The following SASH1 variants were observed in gnomAD, a reference collection of about 807,000 sequenced individuals.
The protein encoded by SASH1 is SAM and SH3 domain containing 1, also known as SAM and SH3 domain-containing protein 1.
A neutral mutation model predicts 125.2 loss-of-function variants in SASH1; 44 were observed. That is an observed-to-expected ratio of 0.35 (90% CI 0.28 to 0.45). SASH1 has a LOEUF of 0.45. Ranked by LOEUF, SASH1 falls within the 20% of genes least tolerant of loss-of-function variation. The pLI is 1.00. For synonymous variants in SASH1, 639 were observed against 649.1 expected (o/e 0.98, Z 0.24); for missense variants, 1,426 against 1,614.5 (o/e 0.88, Z 2.00).
intron 2 of SASH1, among the ~76,000 whole-genome samples, chr6:148,399,763 C>T (rs913376349): frequency 1.3e-5 from 2 of 152,084 alleles, no homozygotes; most frequent in African/African-American, 4.8e-5. Context: ...ACTTTGATGG[C>T]GGAACCTAGC....
chr6:148,354,311 G>GT (rs1260656957), intron 1 of SASH1, among the ~76,000 whole-genome samples: 3 of 152,118 alleles, frequency 2.0e-5, no homozygotes, highest in South Asian at 2.1e-4. Context: ...GCCATTTTTA[G>GT]TTTTTTTATG....
At position 148,548,710 on chromosome 6, in the gene SASH1, CTG is replaced by C. The variant is rs1390114935; in HGVS notation, c.*153_*154del. On this transcript the variant is annotated 3_prime_UTR_variant, in exon 20 of 20. Transcript: ENST00000367467. The stretch of plus-strand genomic sequence containing the variant: ...AACAGCGTGAAACCTTGGCACAGGA[CTG>C]AGGATCCTCTCCTCCAGAAAAGCCC... 1.2e-6 allele frequency: 1 copy of C among 815,666 alleles called. No homozygotes were observed. Among genetic ancestry groups the C allele is most frequent in the African/African-American group, 1.7e-5 (1 of 58,216 alleles). The allele number at this position is 815,666 out of a possible 1,614,324, so 50.5% of individuals were successfully genotyped here. A position where few individuals can be genotyped will look rare whatever the true frequency, so the allele number is the denominator to read the frequency against.
chr6:148,479,433 T>G (rs1420210572), intron 7 of SASH1: 1 of 205,630 alleles, frequency 4.9e-6, no homozygotes, highest in African/African-American at 2.3e-5. Flanking sequence ...GGAAGGGAGT[T>G]GAATGTGACA....
intron 4 of SASH1, among the ~76,000 whole-genome samples, chr6:148,447,321 T>C (rs1004050202): frequency 9.9e-5 from 15 of 152,222 alleles, no homozygotes; most frequent in Non-Finnish European, 1.3e-4. Flanking sequence ...AGCAGTGTTC[T>C]GTGGTGAAAT....
In SASH1 at chr6:148,413,696, A is replaced by T. The variant is rs143138069; in HGVS notation, c.285+23434A>T. Among the ~76,000 whole-genome samples, 589 of 152,190 alleles carry T rather than the reference A, an allele frequency of 3.9e-3. 4 individuals carry two copies. The highest frequency in any genetic ancestry group is 3.8e-3 in the Non-Finnish European group (258 of 68,012). On this transcript the variant is annotated intron_variant, in intron 2 of 19. Coordinates refer to ENST00000367467, the MANE Select transcript of SASH1 (RefSeq NM_015278.5). Reference sequence around the variant, plus strand: ...CGTTGATGTAGAACATTTAGTCAAGAAGTTTGCACTTTTGGCTCTGAAGGA... The same window carrying T: ...CGTTGATGTAGAACATTTAGTCAAGTAGTTTGCACTTTTGGCTCTGAAGGA...
chr6:148,337,938 G>A (rs1473834352), upstream of SASH1, among the ~76,000 whole-genome samples: 4 of 150,444 alleles, frequency 2.7e-5, no homozygotes, highest in Non-Finnish European at 5.9e-5. Context: ...AATCTTCTAC[G>A]TCACTTTCCT....
chr6:148,207,211 C>G, the SASH1 span, among the ~76,000 whole-genome samples: 4 of 152,220 alleles, frequency 2.6e-5, no homozygotes, highest in Non-Finnish European at 4.4e-5. Context: ...ATGGAAATGT[C>G]CAGTCTCTGC....
intron 2 of SASH1, among the ~76,000 whole-genome samples, chr6:148,407,499 C>T (rs1272749067): frequency 2.0e-5 from 3 of 152,162 alleles, no homozygotes; most frequent in African/African-American, 7.2e-5. Context: ...GGGTTGCTTC[C>T]ATCATTTTTC....
intron 4 of SASH1, among the ~76,000 whole-genome samples, chr6:148,448,464 C>G (rs1333398868): frequency 6.6e-6 from 1 of 152,184 alleles, no homozygotes; most frequent in East Asian, 1.9e-4. Flanking sequence ...GGCCTCTCCC[C>G]ACGTGAGTCC....
chr6:148,201,205 ATAAT>A, the SASH1 span, among the ~76,000 whole-genome samples: 2 of 152,232 alleles, frequency 1.3e-5, no homozygotes, highest in Non-Finnish European at 2.9e-5. Flanking sequence ...CACGATCATA[ATAAT>A]TAACATGTAT....
intron 2 of SASH1, among the ~76,000 whole-genome samples, chr6:148,419,212 A>G (rs1054330846): frequency 6.6e-6 from 1 of 152,212 alleles, no homozygotes; most frequent in Admixed American, 6.5e-5. Flanking sequence ...GCAACTTTCA[A>G]AACGTATAGG....
At chr6:148,404,074 T>G (rs1362904915) in intron 2 of SASH1, among the ~76,000 whole-genome samples, 3 of 152,216 alleles carry the variant, frequency 2.0e-5, no homozygotes, top group African/African-American at 4.8e-5. Context: ...GTGGGGTGAA[T>G]GAATGACAAT....
chr6:148,349,497 A>C (rs1423248320), intron 1 of SASH1, among the ~76,000 whole-genome samples: 3 of 151,660 alleles, frequency 2.0e-5, no homozygotes, highest in Non-Finnish European at 2.9e-5. Flanking sequence ...CTCCTGACCT[A>C]AGGTGATCTG....
chr6:148,466,666 GTCC>G (rs1242801508), intron 4 of SASH1, among the ~76,000 whole-genome samples: 1 of 152,080 alleles, frequency 6.6e-6, no homozygotes, highest in Non-Finnish European at 1.5e-5. Flanking sequence ...GGCTCAAGTA[GTCC>G]TCCTGCTGCA....
the SASH1 span, among the ~76,000 whole-genome samples, chr6:148,265,069 G>T: frequency 2.0e-5 from 3 of 152,158 alleles, no homozygotes; most frequent in African/African-American, 7.2e-5. Flanking sequence ...ATATATAATA[G>T]AATAATTTCT....
At chr6:148,444,947 G>T (rs1385184699) in intron 4 of SASH1, among the ~76,000 whole-genome samples, 2 of 152,174 alleles carry the variant, frequency 1.3e-5, no homozygotes, top group Non-Finnish European at 2.9e-5. Context: ...TGGGGAAAGG[G>T]CAGGCAGTTC....
the SASH1 span, among the ~76,000 whole-genome samples, chr6:148,223,445 C>T: frequency 2.6e-5 from 4 of 152,158 alleles, no homozygotes; most frequent in African/African-American, 4.8e-5. Context: ...CACTCATAAG[C>T]GAGACTGAGT....
upstream of SASH1, among the ~76,000 whole-genome samples, chr6:148,268,594 C>T (rs992081979): frequency 6.6e-6 from 1 of 152,212 alleles, no homozygotes. Flanking sequence ...GCTGAACATT[C>T]TCATGTTGTC....
the SASH1 span, among the ~76,000 whole-genome samples, chr6:148,235,512 A>G: frequency 5.3e-5 from 8 of 152,202 alleles, no homozygotes; most frequent in African/African-American, 1.9e-4. Context: ...TATAATTTTT[A>G]AAATATGTAT....
Sources: allele counts gnomAD v4.1 joint callset (sites outside exome capture counted in the v4.1 genomes callset), GRCh38; gene constraint gnomAD v4.1.1; transcripts MANE v1.5; gene names NCBI Gene and HGNC (gene_info 2026-07-23, HGNC 2026-07-21).